The following CACNA2D3 variants were observed in gnomAD, a reference collection of about 807,000 sequenced individuals.
CACNA2D3 encodes calcium voltage-gated channel auxiliary subunit alpha2delta 3, also known as voltage-dependent calcium channel subunit alpha-2/delta-3.
Under a neutral mutation model 160.6 loss-of-function variants are expected in CACNA2D3, and 60 were observed. That is an observed-to-expected ratio of 0.37 (90% CI 0.30 to 0.46). The LOEUF (loss-of-function observed/expected upper bound fraction) is 0.46, where lower values mean the gene tolerates loss of function less well. Ranked by LOEUF, CACNA2D3 falls within the 20% of genes least tolerant of loss-of-function variation. The pLI is 1.00. For synonymous variants in CACNA2D3, 558 were observed against 492.9 expected, an observed-to-expected ratio of 1.13 and a Z score of -1.75; for missense variants, 1,205 against 1,365.0, an observed-to-expected ratio of 0.88 and a Z score of 1.85.
chr3:54,930,994 G>T (rs188092018), intron 27 of CACNA2D3, among the ~76,000 whole-genome samples: 1 of 151,446 alleles, frequency 6.6e-6, no homozygotes, highest in East Asian at 1.9e-4. Flanking sequence ...TACTCAGGAG[G>T]CTGAGGCAGG....
chr3:54,636,901 A>C (rs963668300), intron 10 of CACNA2D3, among the ~76,000 whole-genome samples: 3 of 152,026 alleles, frequency 2.0e-5, no homozygotes, highest in African/African-American at 7.3e-5. Flanking sequence ...AATCAGTGTC[A>C]GGGTGAGTCT....
chr3:54,255,159 G>T (rs375978587), intron 2 of CACNA2D3, among the ~76,000 whole-genome samples: 1 of 152,212 alleles, frequency 6.6e-6, no homozygotes, highest in African/African-American at 2.4e-5. Context: ...ATGGAATCAT[G>T]TTTGATTTTA....
chr3:54,368,693 CTTTTT>C (rs33976949), intron 3 of CACNA2D3, among the ~76,000 whole-genome samples: 2 of 71,502 alleles, frequency 2.8e-5, no homozygotes, highest in Non-Finnish European at 5.3e-5. Flanking sequence ...GGGTAGGGTT[CTTTTT>C]TTTTTTTTTT....
At chr3:54,777,581 T>G (rs960525128) in intron 13 of CACNA2D3, among the ~76,000 whole-genome samples, 2 of 152,238 alleles carry the variant, frequency 1.3e-5, no homozygotes, top group African/African-American at 4.8e-5. Context: ...TCTTTTCTGG[T>G]TGATAGAAAC....
chr3:54,573,085 A>G (rs1001133569), intron 8 of CACNA2D3, among the ~76,000 whole-genome samples: 19 of 152,232 alleles, frequency 1.2e-4, no homozygotes, highest in African/African-American at 4.1e-4. Context: ...CTTTATATAA[A>G]GAAACCCATT....
In CACNA2D3 at chr3:54,581,811, G is replaced by A; in HGVS notation, c.897G>A (p.Glu299=). The part of the protein sequence containing the change: ...DDFFNIIAYN[E]ELHYVEPCLN... The stretch of plus-strand genomic sequence containing the variant: ...ACTTTTTTCCTTTGCAGTATAATGA[G>A]GAGCTTCACTATGTGGAACCTTGCC... The change falls in exon 9 of 38, where the codon GAG becomes GAA. Residue 299 remains glutamate (E), a synonymous_variant. Transcript: ENST00000474759. 6.2e-7 allele frequency: 1 copy of A among 1,613,302 alleles called. No homozygotes were observed. Among genetic ancestry groups the A allele is most frequent in the South Asian group, 1.1e-5 (1 of 90,930 alleles).
intron 27 of CACNA2D3, among the ~76,000 whole-genome samples, chr3:54,960,088 A>C (rs1381597330): frequency 6.6e-6 from 1 of 152,154 alleles, no homozygotes; most frequent in African/African-American, 2.4e-5. Context: ...AAAAAAAAAA[A>C]AAAACCAAAG....
chr3:54,796,869 T>C (rs931448107), intron 13 of CACNA2D3, among the ~76,000 whole-genome samples: 7 of 152,048 alleles, frequency 4.6e-5, no homozygotes, highest in African/African-American at 1.5e-4. Context: ...TCAGTTTACA[T>C]AGAGATAGGG....
intron 17 of CACNA2D3, among the ~76,000 whole-genome samples, chr3:54,854,246 C>A (rs1040083729): frequency 6.6e-6 from 1 of 152,164 alleles, no homozygotes; most frequent in African/African-American, 2.4e-5. Context: ...GGAAATACAT[C>A]ATTTGGTTTG....
At chr3:54,172,577 A>C (rs77986870) in intron 2 of CACNA2D3, among the ~76,000 whole-genome samples, 3,632 of 152,290 alleles carry the variant, frequency 0.024, 157 homozygotes, top group African/African-American at 0.083. Context: ...TCTATATAAC[A>C]TATTTTGCAG....
intron 11 of CACNA2D3, among the ~76,000 whole-genome samples, chr3:54,740,249 A>G (rs1325982367): frequency 6.6e-6 from 1 of 152,146 alleles, no homozygotes; most frequent in Non-Finnish European, 1.5e-5. Flanking sequence ...AGAGATTAAG[A>G]CACAATGATT....
chr3:54,976,052 TAG>T (rs1702384116), intron 29 of CACNA2D3, among the ~76,000 whole-genome samples: 1 of 130,030 alleles, frequency 7.7e-6, no homozygotes, highest in African/African-American at 3.6e-5. Context: ...GGTATAGATA[TAG>T]ATACACACAC....
At chr3:54,370,470 T>A (rs754141039) in intron 3 of CACNA2D3, among the ~76,000 whole-genome samples, 1 of 152,220 alleles carries the variant, frequency 6.6e-6, no homozygotes, top group African/African-American at 2.4e-5. Flanking sequence ...AATCCATATA[T>A]AAGGAATGCT....
At chr3:54,390,525 A>G (rs746884704) in intron 4 of CACNA2D3, among the ~76,000 whole-genome samples, 2 of 152,228 alleles carry the variant, frequency 1.3e-5, no homozygotes, top group African/African-American at 2.4e-5. Flanking sequence ...ACATAAGAGT[A>G]GATGTTGAAA....
intron 5 of CACNA2D3, among the ~76,000 whole-genome samples, chr3:54,512,492 A>G (rs932778911): frequency 6.6e-6 from 1 of 152,214 alleles, no homozygotes; most frequent in African/African-American, 2.4e-5. Context: ...GCCTGGGAAT[A>G]TCTCTGATCC....
intron 5 of CACNA2D3, among the ~76,000 whole-genome samples, chr3:54,554,563 T>C (rs1702210484): frequency 6.6e-6 from 1 of 152,048 alleles, no homozygotes; most frequent in African/African-American, 2.4e-5. Context: ...CCTGGTGGTG[T>C]ATGCAGTCCT....
At chr3:54,716,738 GT>G (rs1222920783) in intron 11 of CACNA2D3, among the ~76,000 whole-genome samples, 1 of 152,082 alleles carries the variant, frequency 6.6e-6, no homozygotes, top group Admixed American at 6.6e-5. Flanking sequence ...TTTTGGTTTT[GT>G]TTTTCCATGT....
At chr3:54,170,345 G>A (rs1488172099) in intron 2 of CACNA2D3, among the ~76,000 whole-genome samples, 1 of 152,116 alleles carries the variant, frequency 6.6e-6, no homozygotes, top group Non-Finnish European at 1.5e-5. Context: ...TTCCACATCA[G>A]ACCCAATAGG....
At chr3:54,635,982 A>G (rs1699361560) in intron 10 of CACNA2D3, among the ~76,000 whole-genome samples, 1 of 152,004 alleles carries the variant, frequency 6.6e-6, no homozygotes, top group South Asian at 2.1e-4. Context: ...TGACTCGGGC[A>G]TGTTAAGTAA....
Sources: allele counts gnomAD v4.1 joint callset (sites outside exome capture counted in the v4.1 genomes callset), GRCh38; gene constraint gnomAD v4.1.1; transcripts MANE v1.5; gene names NCBI Gene and HGNC (gene_info 2026-07-23, HGNC 2026-07-21).